Variants in DDX10 observed in about 807,000 individuals in gnomAD.
DDX10 encodes the protein probable ATP-dependent RNA helicase DDX10.
In DDX10, 74 loss-of-function variants were observed where a neutral mutation model predicts 104.3. The ratio of observed to expected loss-of-function variants is 0.71; its 90% confidence interval spans 0.59 to 0.86. The LOEUF (loss-of-function observed/expected upper bound fraction) is 0.86, where lower values mean the gene tolerates loss of function less well. Ranked by LOEUF, DDX10 falls within the 40% of genes least tolerant of loss-of-function variation. The pLI, the probability that DDX10 is intolerant of heterozygous loss-of-function variation, is 0.00. For synonymous variants in DDX10, 351 were observed against 353.4 expected (o/e 0.99, Z 0.08); for missense variants, 952 against 1,040.0 (o/e 0.92, Z 1.16).
chr11:108,850,734 A>G (rs1476978982), intron 15 of DDX10, among the ~76,000 whole-genome samples: 1 of 152,176 alleles, frequency 6.6e-6, no homozygotes, highest in Non-Finnish European at 1.5e-5. Context: ...GAACCTACAA[A>G]GTGAAGTCAA....
At chr11:108,704,645 G>C (rs932596868) in intron 9 of DDX10, among the ~76,000 whole-genome samples, 1 of 152,112 alleles carries the variant, frequency 6.6e-6, no homozygotes, top group African/African-American at 2.4e-5. Flanking sequence ...TACTGCTTAG[G>C]GGTCTGCTTT....
Position 108,679,355 on chromosome 11 carries a change from C to T in DDX10, c.659-16C>T, listed in dbSNP as rs768521720. 1.9e-6 allele frequency: 3 copies of T among 1,579,194 alleles called. No individual in the cohort carries two copies. The East Asian group carries it at 6.7e-5, about 35-fold the overall frequency. ...ATTTTACATATGATAGTTCAACTTGCATTTTCCTTTTTCAGTTCTTGATGA... is the reference window on the plus strand; with the variant it reads ...ATTTTACATATGATAGTTCAACTTGTATTTTCCTTTTTCAGTTCTTGATGA... On this transcript the variant is annotated splice_polypyrimidine_tract_variant and intron_variant, in intron 5 of 17. Transcript: ENST00000322536.
At chr11:108,937,754 T>A (rs148419720) in intron 17 of DDX10, among the ~76,000 whole-genome samples, 1,857 of 152,352 alleles carry the variant, frequency 0.012, 40 homozygotes, top group African/African-American at 0.042. Context: ...ATTGAAAGAC[T>A]GTTACCTCTG....
chr11:108,873,827 G>GT (rs1247374626), intron 16 of DDX10, among the ~76,000 whole-genome samples: 2 of 152,274 alleles, frequency 1.3e-5, no homozygotes, highest in Non-Finnish European at 1.5e-5. Context: ...TGTCATTATA[G>GT]TTTTTTTACA....
chr11:108,808,486 T>A (rs1862131110), intron 13 of DDX10, among the ~76,000 whole-genome samples: 1 of 152,138 alleles, frequency 6.6e-6, no homozygotes, highest in South Asian at 2.1e-4. Flanking sequence ...TTAAGTACCA[T>A]AAAGATGTTG....
chr11:108,773,731 T>C (rs890739762), intron 13 of DDX10, among the ~76,000 whole-genome samples: 1 of 152,122 alleles, frequency 6.6e-6, no homozygotes, highest in African/African-American at 2.4e-5. Flanking sequence ...CAAAATATAG[T>C]AAGGGCATTT....
At chr11:108,927,851 G>A (rs897751643) in intron 17 of DDX10, among the ~76,000 whole-genome samples, 2 of 152,114 alleles carry the variant, frequency 1.3e-5, no homozygotes, top group South Asian at 2.1e-4. Context: ...TGTTAGCCAG[G>A]CCGGTATTGA....
chr11:108,785,134 G>C (rs1407727677), intron 13 of DDX10, among the ~76,000 whole-genome samples: 1 of 152,136 alleles, frequency 6.6e-6, no homozygotes, highest in Non-Finnish European at 1.5e-5. Context: ...CATCACAAAT[G>C]GATGTTGGAT....
intron 6 of DDX10, among the ~76,000 whole-genome samples, chr11:108,682,543 A>G (rs1322801671): frequency 3.3e-5 from 5 of 152,174 alleles, no homozygotes. Context: ...TGTGAGTAGC[A>G]TATTTTTAAT....
intron 13 of DDX10, among the ~76,000 whole-genome samples, chr11:108,837,026 G>A (rs1024043442): frequency 1.3e-5 from 2 of 152,134 alleles, no homozygotes; most frequent in African/African-American, 4.8e-5. Flanking sequence ...GACTGCAGTC[G>A]GGTATTTTGC....
At chr11:108,727,095 G>T (rs2094306252) in intron 13 of DDX10, among the ~76,000 whole-genome samples, 1 of 151,754 alleles carries the variant, frequency 6.6e-6, no homozygotes. Context: ...TTTCGTTAAG[G>T]ATCTTTCTGT....
intron 13 of DDX10, among the ~76,000 whole-genome samples, chr11:108,827,035 C>G (rs1862405034): frequency 6.6e-6 from 1 of 152,168 alleles, no homozygotes; most frequent in African/African-American, 2.4e-5. Context: ...TGAACAGGGT[C>G]AAATACTTTG....
chr11:108,691,690 G>A (rs371671632), intron 7 of DDX10, among the ~76,000 whole-genome samples, 186 bp from the exon 8 acceptor site: 52 of 152,290 alleles, frequency 3.4e-4, no homozygotes, highest in South Asian at 1.0e-3. Flanking sequence ...ATAGAAATGT[G>A]AATTAAAGGA....
At chr11:108,839,577 A>G (rs996991583) in intron 14 of DDX10, among the ~76,000 whole-genome samples, 2 of 152,220 alleles carry the variant, frequency 1.3e-5, no homozygotes, top group Non-Finnish European at 2.9e-5. Context: ...AGCACATCAT[A>G]TATTTCATCA....
At chr11:108,682,912 A>G (rs2094237589) in intron 6 of DDX10, among the ~76,000 whole-genome samples, 1 of 151,036 alleles carries the variant, frequency 6.6e-6, no homozygotes, top group South Asian at 2.1e-4. Context: ...TCTTTGTTGT[A>G]CTCTAAGTTC....
chr11:108,867,289 G>A (rs1048710861), intron 16 of DDX10, among the ~76,000 whole-genome samples: 1 of 152,090 alleles, frequency 6.6e-6, no homozygotes, highest in Non-Finnish European at 1.5e-5. Flanking sequence ...AGAGAAGTAG[G>A]AATGTGTGCT....
intron 13 of DDX10, among the ~76,000 whole-genome samples, chr11:108,820,744 G>C (rs1862315954): frequency 6.6e-6 from 1 of 152,172 alleles, no homozygotes. Flanking sequence ...GATGGGAATG[G>C]TTCCAGCTCA....
At chr11:108,860,976 T>C (rs1179605946) in intron 16 of DDX10, 2 of 152,246 alleles carry the variant, frequency 1.3e-5, no homozygotes, top group African/African-American at 4.8e-5. Context: ...CCTACTGTGC[T>C]AGTTGATACT....
intron 13 of DDX10, among the ~76,000 whole-genome samples, chr11:108,759,049 C>T (rs2134513373): frequency 6.6e-6 from 1 of 152,050 alleles, no homozygotes; most frequent in African/African-American, 2.4e-5. Flanking sequence ...ATGAAAATAC[C>T]ACCTATAGTA....
Sources: gnomAD v4.1 joint callset for allele counts (sites outside exome capture counted in the v4.1 genomes callset) on GRCh38, gnomAD v4.1.1 for gene constraint, MANE v1.5 for transcripts, NCBI Gene and HGNC (gene_info 2026-07-23, HGNC 2026-07-21) for gene names.